Variants in BCAN observed in about 807,000 individuals in gnomAD.
The protein encoded by BCAN is brevican core protein.
In BCAN, 51 loss-of-function variants were observed where a neutral mutation model predicts 92.4. The ratio of observed to expected loss-of-function variants is 0.55; its 90% CI spans 0.44 to 0.70. The LOEUF (loss-of-function observed/expected upper bound fraction) is 0.70, where lower values mean the gene tolerates loss of function less well. Among genes scored for constraint, BCAN ranks in the 30% least tolerant of loss-of-function variants. The pLI, the probability that BCAN is intolerant of heterozygous loss-of-function variation, is 0.00. For missense variants in BCAN, 1,140 were observed against 1,212.1 expected (o/e 0.94, Z 0.88); for synonymous variants, 501 against 505.2 (o/e 0.99, Z 0.11).
Position 156,652,454 on chromosome 1 carries a change from CAGG to C in BCAN, c.1510_1512del (p.Glu504del). 6.2e-7 allele frequency: 1 copy of C among 1,603,730 alleles called. No individual in the cohort carries two copies. The highest frequency in any genetic ancestry group is 8.5e-7 in the Non-Finnish European group (1 of 1,174,794). Reference sequence around the variant, plus strand: ...CTCTCTCCCCACTGAGCCAGCAGCCCAGGAGGAGTCACTCTCCCAGGCGCCAGC... The same window carrying C: ...CTCTCTCCCCACTGAGCCAGCAGCCCAGGAGTCACTCTCCCAGGCGCCAGC... On this transcript the variant is annotated inframe_deletion, in exon 8 of 14. Coordinates refer to ENST00000329117, the MANE Select transcript of BCAN (RefSeq NM_021948.5).
chr1:156,645,688 G>A (rs1678938708), intron 1 of BCAN, among the ~76,000 whole-genome samples: 1 of 152,200 alleles, frequency 6.6e-6, no homozygotes, highest in African/African-American at 2.4e-5. Flanking sequence ...TGTCTGCCTG[G>A]TGCTATGCAT....
intron 8 of BCAN, 123 bp downstream of exon 8, chr1:156,653,015 C>T (rs1442568324): frequency 1.3e-5 from 20 of 1,524,496 alleles, no homozygotes; most frequent in Non-Finnish European, 1.7e-5. Context: ...TGTCCTTTGC[C>T]TTCATTCTCT....
At chr1:156,650,595 T>A (rs1390324420) in intron 6 of BCAN, among the ~76,000 whole-genome samples, 1 of 152,108 alleles carries the variant, frequency 6.6e-6, no homozygotes, top group Non-Finnish European at 1.5e-5. Flanking sequence ...ATGCCTGAAG[T>A]TATTCCTGCA....
rs1480927356 is a variant in BCAN at position 156,647,084 on chromosome 1, C to T, written c.375C>T (p.Ser125=). 3 of 1,608,866 alleles carry T rather than the reference C, an allele frequency of 1.9e-6. No homozygotes were observed. The highest frequency in any genetic ancestry group is 1.7e-5 in the Admixed American group (1 of 59,868). The change falls in exon 3 of 14, where the codon AGC becomes AGT. Residue 125 remains serine, a synonymous_variant. Transcript: ENST00000329117. The surrounding 1 kb of genome is among the most constrained non-coding windows in gnomAD (Gnocchi z 4.8). ...TCACCGACGTCTCCCTGGCGCTGAG[C>T]GAGCTGCGCCCCAACGACTCAGGTA... ...ASLTDVSLAL[S]ELRPNDSGIY...
intron 5 of BCAN, among the ~76,000 whole-genome samples, 163 bp from the exon 6 acceptor site, chr1:156,648,405 T>C (rs1167945574): frequency 1.3e-5 from 2 of 152,118 alleles, no homozygotes; most frequent in Non-Finnish European, 2.9e-5. Flanking sequence ...AGCTCTAATA[T>C]CCATCTTGAG....
In BCAN at chr1:156,658,052, C is replaced by T. The variant is rs1032797550; in HGVS notation, c.2293-75C>T. On this transcript the variant is annotated intron_variant, in intron 11 of 13. Coordinates refer to ENST00000329117, the MANE Select transcript of BCAN (RefSeq NM_021948.5). This position sits in a 1 kb window ranked among gnomAD's most constrained non-coding sequence, Gnocchi z 4.4. The stretch of plus-strand genomic sequence containing the variant: ...TCCTGGGGCCCCGCTCACCAGCCCT[C>T]CTCCCCAGATCCTCTAGGCCCTCTC... 1.1e-4 allele frequency: 167 copies of T among 1,544,268 alleles called. 2 individuals are homozygous for T. In the South Asian group the frequency reaches 1.9e-3, roughly 18 times the overall value.
chr1:156,659,221 A>G lies in BCAN; in HGVS notation c.*87A>G. 9.6e-7 allele frequency: 1 copy of G among 1,036,514 alleles called. No homozygotes were observed. The highest frequency in any genetic ancestry group is 1.6e-5 in the South Asian group (1 of 61,850). The allele number at this position is 1,036,514 out of a possible 1,614,324, so 64.2% of individuals were successfully genotyped here. A position where few individuals can be genotyped will look rare whatever the true frequency, so the allele number is the denominator to read the frequency against. On this transcript the variant is annotated 3_prime_UTR_variant, in exon 14 of 14. Transcript: ENST00000329117. ...ACCCTGCGCTCCCGCCACCACAGGA[A>G]GTGACAACATGACGAGGGGTGGTAC...
In BCAN at chr1:156,647,866, A is replaced by G; in HGVS notation, c.642-117A>G. ...TGTGCATCCCTGCAGTGCTAGAAGG[A>G]CAGCCAGCTGTCAGCAAGTGTCTGC... On this transcript the variant is annotated intron_variant, in intron 4 of 13. Transcript: ENST00000329117. This position sits in a 1 kb window ranked among gnomAD's most constrained non-coding sequence, Gnocchi z 4.8. 6.4e-7 allele frequency: 1 copy of G among 1,558,606 alleles called. No homozygotes were observed. Among genetic ancestry groups the G allele is most frequent in the Non-Finnish European group, 8.8e-7 (1 of 1,130,804 alleles).
chr1:156,652,606 A>T lies in BCAN; in HGVS notation c.1656A>T (p.Ala552=). 1 of 1,614,052 alleles carries T rather than the reference A, an allele frequency of 6.2e-7. No homozygotes were observed. The highest frequency in any genetic ancestry group is 8.5e-7 in the Non-Finnish European group (1 of 1,179,922). Reference sequence around the variant, plus strand: ...CCACTCCCAGGGAGAGGAACCTAGCATCCCCATCACCTTCCACTCTGGTTG... The same window carrying T: ...CCACTCCCAGGGAGAGGAACCTAGCTTCCCCATCACCTTCCACTCTGGTTG... The part of the protein sequence containing the change: ...TLPTPRERNL[A]SPSPSTLVEA... Residue 552 remains alanine (A), a synonymous_variant, in exon 8 of 14, where the codon GCA becomes GCT. Transcript: ENST00000329117.
At chr1:156,657,277 A>AG (rs1412212509) in intron 10 of BCAN, 181 bp downstream of exon 10, 1 of 929,820 alleles carries the variant, frequency 1.1e-6, no homozygotes, top group Non-Finnish European at 1.6e-6. Flanking sequence ...ACGCTTAGGC[A>AG]GTGGCCTTCG....
At chr1:156,655,620 G>C (rs1679298879) in intron 8 of BCAN, among the ~76,000 whole-genome samples, 1 of 152,182 alleles carries the variant, frequency 6.6e-6, no homozygotes, top group African/African-American at 2.4e-5. Flanking sequence ...GCAGGGCCTA[G>C]AGTGAGGAAA....
At chr1:156,645,322 A>G (rs2365715) in intron 1 of BCAN, among the ~76,000 whole-genome samples, 47,976 of 152,154 alleles carry the variant, frequency 0.32, 8,540 homozygotes, top group South Asian at 0.59. Flanking sequence ...AGCCCGTGCC[A>G]GGCAGAAAGG....
At chr1:156,652,182 C>T (rs890575731) in intron 7 of BCAN, 66 bp from the exon 8 acceptor site, 7 of 1,523,584 alleles carry the variant, frequency 4.6e-6, no homozygotes, top group African/African-American at 2.8e-5. Context: ...TTCTCCCCTT[C>T]CCTTTTTCCT....
intron 9 of BCAN, 156 bp from the exon 10 acceptor site, chr1:156,656,782 A>T: frequency 2.1e-6 from 2 of 967,540 alleles, no homozygotes; most frequent in Non-Finnish European, 3.0e-6. Context: ...GGCTCCTGCT[A>T]CCCCCTCATT....
In BCAN at chr1:156,646,823, C is replaced by T; in HGVS notation, c.114C>T (p.Arg38=). 1.3e-6 allele frequency: 2 copies of T among 1,573,024 alleles called. No individual in the cohort carries two copies. The highest frequency in any genetic ancestry group is 1.7e-6 in the Non-Finnish European group (2 of 1,160,274). Reference sequence around the variant, plus strand: ...CAGAGGACCGCGCTTTTCGCGTGCGCATCGCGGGCGACGCGCCACTGCAGG... The same window carrying T: ...CAGAGGACCGCGCTTTTCGCGTGCGTATCGCGGGCGACGCGCCACTGCAGG... The part of the protein sequence containing the change: ...DSSEDRAFRV[R]IAGDAPLQGV... The change falls in exon 3 of 14, where the codon CGC becomes CGT. Residue 38 remains arginine, a synonymous_variant. Transcript: ENST00000329117.
At chr1:156,643,390 T>C (rs1391503071) in intron 1 of BCAN, 1 of 152,176 alleles carries the variant, frequency 6.6e-6, no homozygotes, top group Non-Finnish European at 1.5e-5. Context: ...AGGCCCTGCT[T>C]ATATTGTGTA....
chr1:156,656,928 T>C lies in BCAN; in HGVS notation c.2051-10T>C. ...TGGGGCCCTAAGATGCCCGCCCTTA[T>C]GTGCCGCAGGCCTCCGCTTCTGCAA... On this transcript the variant is annotated splice_polypyrimidine_tract_variant and intron_variant, in intron 9 of 13. Transcript: ENST00000329117. 2.5e-6 allele frequency: 4 copies of C among 1,612,118 alleles called. No homozygotes were observed. Among genetic ancestry groups the C allele is most frequent in the Non-Finnish European group, 3.4e-6 (4 of 1,178,538 alleles).
intron 1 of BCAN, among the ~76,000 whole-genome samples, chr1:156,645,081 T>C (rs1218741906): frequency 1.3e-5 from 2 of 152,070 alleles, no homozygotes; most frequent in Non-Finnish European, 2.9e-5. Flanking sequence ...TTTATGAGAG[T>C]GTAAGTGCTT....
At chr1:156,655,654 CT>C (rs945827426) in intron 8 of BCAN, among the ~76,000 whole-genome samples, 1 of 152,196 alleles carries the variant, frequency 6.6e-6, no homozygotes, top group African/African-American at 2.4e-5. Context: ...CCACTAACCA[CT>C]TCTGGGACTG....
Sources: allele counts gnomAD v4.1 joint callset (sites outside exome capture counted in the v4.1 genomes callset), GRCh38; gene constraint gnomAD v4.1.1; non-coding constraint Gnocchi (gnomAD v3.1); transcripts MANE v1.5; gene names NCBI Gene and HGNC (gene_info 2026-07-23, HGNC 2026-07-21).